NPR3: variants seen among roughly 807,000 people sequenced by gnomAD.
The protein encoded by NPR3 is atrial natriuretic peptide receptor 3.
In NPR3, 34 loss-of-function variants were observed where a neutral mutation model predicts 54.5. The ratio of observed to expected loss-of-function variants is 0.62; its 90% confidence interval spans 0.47 to 0.83. The LOEUF (loss-of-function observed/expected upper bound fraction) is 0.83. Among genes scored for constraint, NPR3 ranks in the 40% least tolerant of loss-of-function variants. The pLI, the probability that NPR3 is intolerant of heterozygous loss-of-function variation, is 0.00. For missense variants in NPR3, 674 were observed against 720.8 expected (o/e 0.94, Z 0.74); for synonymous variants, 289 against 297.1 (o/e 0.97, Z 0.28).
Position 32,789,421 on chromosome 5 carries a change from CATCA to C in NPR3, c.*3077_*3080del. On this transcript the variant is annotated 3_prime_UTR_variant, in exon 8 of 8. Transcript: ENST00000265074. Reference sequence around the variant, plus strand: ...GGTTTCATGAGAAGGTCCCTGAAAACATCACATTTCTCTGAAGAACCATCAACTT... The same window carrying C: ...GGTTTCATGAGAAGGTCCCTGAAAACCATTTCTCTGAAGAACCATCAACTT... The C allele has an allele frequency of 1.9e-6, 1 of 526,994 alleles. No homozygotes were observed. The highest frequency in any genetic ancestry group is 1.4e-5 in the South Asian group (1 of 70,254). 32.6% of individuals were successfully genotyped at this position (526,994 alleles called of 1,614,324 possible). A position where few individuals can be genotyped will look rare whatever the true frequency, so the allele number is the denominator to read the frequency against.
intron 1 of NPR3, among the ~76,000 whole-genome samples, chr5:32,723,170 C>T (rs759050467): frequency 6.6e-6 from 1 of 152,184 alleles, no homozygotes; most frequent in Non-Finnish European, 1.5e-5. Flanking sequence ...TGGCATGCAT[C>T]GTGATAATGC....
chr5:32,744,610 C>T (rs1740202934), intron 3 of NPR3, among the ~76,000 whole-genome samples: 5 of 152,302 alleles, frequency 3.3e-5, no homozygotes, highest in Middle Eastern at 3.4e-3. Flanking sequence ...AAGCATTCAT[C>T]GGATGGTAGC....
chr5:32,712,298 C>T lies in NPR3; in HGVS notation c.522C>T (p.Leu174=), dbSNP rs1738291433. The T allele has an allele frequency of 6.2e-7, 1 of 1,613,254 alleles. No individual in the cohort carries two copies. Among genetic ancestry groups the T allele is most frequent in the Non-Finnish European group, 8.5e-7 (1 of 1,179,788 alleles). ...ACAAGGACTCTGAGTACTCGCACCT[C>T]ACGCGCGTGGCGCCCGCCTACGCCA... ...FQHKDSEYSH[L]TRVAPAYAKM... is the part of the protein sequence containing the mutation. Residue 174 remains leucine (L), a synonymous_variant, in exon 1 of 8, where the codon CTC becomes CTT. Transcript: ENST00000265074.
chr5:32,760,438 A>G (rs1741105947), intron 3 of NPR3, among the ~76,000 whole-genome samples: 1 of 152,156 alleles, frequency 6.6e-6, no homozygotes, highest in African/African-American at 2.4e-5. Flanking sequence ...TTATATTCTG[A>G]TGACTAGTGG....
At chr5:32,703,315 C>T (rs2111820701) in intron 1 of NPR3, among the ~76,000 whole-genome samples, 1 of 152,170 alleles carries the variant, frequency 6.6e-6, no homozygotes, top group Non-Finnish European at 1.5e-5. Flanking sequence ...GAACTGGGGA[C>T]CCCAAAAGCC....
intron 1 of NPR3, among the ~76,000 whole-genome samples, chr5:32,718,659 T>C (rs1738682392): frequency 1.3e-5 from 2 of 152,196 alleles, no homozygotes; most frequent in African/African-American, 4.8e-5. Flanking sequence ...TGTCTGTTAA[T>C]GTTGTATAGG....
At chr5:32,772,090 T>A (rs1267883944) in intron 3 of NPR3, among the ~76,000 whole-genome samples, 1 of 152,202 alleles carries the variant, frequency 6.6e-6, no homozygotes, top group African/African-American at 2.4e-5. Flanking sequence ...CTTTGGAAAA[T>A]CAAATTGGCA....
intron 3 of NPR3, among the ~76,000 whole-genome samples, chr5:32,744,401 T>C (rs1740193941): frequency 6.6e-6 from 1 of 152,306 alleles, no homozygotes; most frequent in East Asian, 1.9e-4. Flanking sequence ...ACAATTCTTA[T>C]CTTGGGCACC....
intron 7 of NPR3, among the ~76,000 whole-genome samples, chr5:32,785,306 T>TG (rs966262063): frequency 2.0e-5 from 3 of 151,998 alleles, no homozygotes; most frequent in Admixed American, 1.3e-4. Flanking sequence ...CAGACCACCA[T>TG]GGCTGGCTAA....
chr5:32,769,354 A>T (rs114926540), intron 3 of NPR3, among the ~76,000 whole-genome samples: 1 of 152,148 alleles, frequency 6.6e-6, no homozygotes, highest in African/African-American at 2.4e-5. Flanking sequence ...TCCTTCTGCT[A>T]TCTACCACCT....
intron 2 of NPR3, among the ~76,000 whole-genome samples, chr5:32,728,835 G>GGATATA (rs1554014340): frequency 3.0e-4 from 18 of 60,624 alleles, no homozygotes; most frequent in South Asian, 1.7e-3. Context: ...GTGTGTGTGT[G>GGATATA]TGTATATATA....
chr5:32,713,506 G>A (rs1268066124), intron 1 of NPR3: 2 of 968,318 alleles, frequency 2.1e-6, no homozygotes, highest in African/African-American at 1.8e-5. Context: ...CTCTAGTCAG[G>A]GATTAGGAGC....
At chr5:32,753,185 C>T (rs1740661823) in intron 3 of NPR3, among the ~76,000 whole-genome samples, 3 of 151,844 alleles carry the variant, frequency 2.0e-5, no homozygotes, top group African/African-American at 7.3e-5. Flanking sequence ...TGTTTTTTTT[C>T]CATTATGTGT....
At chr5:32,757,210 A>G (rs1740894251) in intron 3 of NPR3, among the ~76,000 whole-genome samples, 1 of 152,134 alleles carries the variant, frequency 6.6e-6, no homozygotes, top group East Asian at 1.9e-4. Context: ...GGCCATTTTC[A>G]CGATATTGAT....
intron 1 of NPR3, among the ~76,000 whole-genome samples, chr5:32,714,534 G>A (rs1026858886): frequency 2.0e-5 from 3 of 149,496 alleles, no homozygotes; most frequent in African/African-American, 7.4e-5. Flanking sequence ...AGTTTGCATT[G>A]AGGGGTGAAA....
intron 1 of NPR3, among the ~76,000 whole-genome samples, chr5:32,696,090 C>G (rs772151201): frequency 1.3e-5 from 2 of 152,158 alleles, no homozygotes; most frequent in Non-Finnish European, 2.9e-5. Flanking sequence ...CTCAAGAAAT[C>G]TTTGTCCATA....
intron 1 of NPR3, among the ~76,000 whole-genome samples, chr5:32,700,058 C>T (rs1422146073): frequency 6.6e-6 from 1 of 152,190 alleles, no homozygotes; most frequent in Non-Finnish European, 1.5e-5. Context: ...GAGATGTTTG[C>T]TGCCAGATAT....
chr5:32,786,013 G>C (rs769682718), intron 7 of NPR3, among the ~76,000 whole-genome samples: 90 of 152,222 alleles, frequency 5.9e-4, no homozygotes, highest in Non-Finnish European at 8.8e-4. Context: ...GAAGGGGAAG[G>C]CTTGTTCTGT....
Position 32,760,056 on chromosome 5 carries a change from A to T in NPR3, c.1060-14652A>T, listed in dbSNP as rs529518195. On this transcript the variant is annotated intron_variant, in intron 3 of 7. Coordinates refer to ENST00000265074, the MANE Select transcript of NPR3 (RefSeq NM_001204375.2). The stretch of plus-strand genomic sequence containing the variant: ...CCTTAGTAGTTCATTCTTTTTCAAA[A>T]AGTTGCTGAGTAATACTATGTTGTT... 2.0e-5 allele frequency among the ~76,000 whole-genome samples: 3 copies of T among 151,212 alleles called. No homozygotes were observed. The East Asian group carries it at 5.8e-4, about 29-fold the overall frequency.
Sources: allele counts gnomAD v4.1 joint callset (sites outside exome capture counted in the v4.1 genomes callset), GRCh38; gene constraint gnomAD v4.1.1; transcripts MANE v1.5; gene names NCBI Gene and HGNC (gene_info 2026-07-23, HGNC 2026-07-21).